Variants in NOBOX observed in about 807,000 individuals in gnomAD.
The protein encoded by NOBOX is NOBOX oogenesis homeobox, also known as homeobox protein NOBOX.
NOBOX carries 46 observed loss-of-function variants against 60.2 expected under a neutral mutation model. The observed-to-expected ratio is 0.76, with a 90% CI of 0.60 to 0.98. The LOEUF is 0.98. Among genes scored for constraint, NOBOX ranks in the 50% least tolerant of loss-of-function variants. The probability of loss-of-function intolerance (pLI) is 0.00; values close to 1 mark genes in which losing one functional copy is unlikely to be tolerated. For synonymous variants in NOBOX, 360 were observed against 346.3 expected, an observed-to-expected ratio of 1.04 and a Z score of -0.44; for missense variants, 880 against 865.5, an observed-to-expected ratio of 1.02 and a Z score of -0.21.
Position 144,404,685 on chromosome 7 carries a change from C to G in NOBOX, c.86-5G>C. On this transcript the variant is annotated splice_polypyrimidine_tract_variant and splice_region_variant and intron_variant, in intron 1 of 9. Transcript: ENST00000467773. ...CAGGTACAGCCAGGGGCGGCCCTGC[C>G]AGGGACGGTGTGGTTACTGTGTTTC... The G allele has an allele frequency of 6.2e-6, 10 of 1,613,530 alleles. No individual in the cohort carries two copies. The highest frequency in any genetic ancestry group is 8.5e-6 in the Non-Finnish European group (10 of 1,179,688).
chr7:144,402,626 A>G (rs566488480), intron 2 of NOBOX, among the ~76,000 whole-genome samples: 1 of 152,272 alleles, frequency 6.6e-6, no homozygotes, highest in East Asian at 1.9e-4. Context: ...AAGAACCCTC[A>G]GCTCAGGGAG....
intron 4 of NOBOX, 144 bp downstream of exon 2, chr7:144,400,902 C>G: frequency 3.4e-6 from 2 of 589,548 alleles, no homozygotes; most frequent in Non-Finnish European, 5.3e-6. Flanking sequence ...GTTGCACTAC[C>G]GCGGCCCAAG....
Position 144,399,438 on chromosome 7 carries a change from G to A in NOBOX, c.1199C>T (p.Pro400Leu), listed in dbSNP as rs568492478. ...AGGGGACTCCTGAGGGAAAGGGTCA[G>A]GCTTTGGCTCCATGGGCACAGCAGG... The change falls in exon 7 of 10, where the codon CCT (proline) becomes CTT (leucine). Residue 400 changes from proline (P) to leucine (L), a missense_variant. Physicochemically the swap from Pro to Leu is moderately conservative, Grantham distance 98. Transcript: ENST00000467773. 1.3e-5 allele frequency: 21 copies of A among 1,589,104 alleles called. No homozygotes were observed. In the East Asian group the frequency reaches 3.9e-4, roughly 29 times the overall value.
chr7:144,403,616 CA>C, intron 2 of NOBOX, 40 bp downstream of exon 1: 1 of 697,074 alleles, frequency 1.4e-6, no homozygotes, highest in Admixed American at 2.0e-5. Flanking sequence ...CCCGAACCCC[CA>C]AAGCCTGACC....
Position 144,401,343 on chromosome 7 carries a change from C to T in NOBOX, c.547G>A (p.Glu183Lys). ...TCTCCCACTGGGAGGGAACAATCTT[C>T]CCCCTGAGTCTGGGGCCTGGAGCGG... Residue 183 changes from glutamate to lysine, a missense_variant, in exon 4 of 10, where the codon GAA (glutamate) becomes AAA (lysine). By Grantham distance (56) the Glu-to-Lys change is moderately conservative. Coordinates refer to ENST00000467773, the MANE Select transcript of NOBOX (RefSeq NM_001080413.3). This position sits in a 1 kb window ranked among gnomAD's most constrained non-coding sequence, Gnocchi z 4.2. The T allele has an allele frequency of 6.2e-7, 1 of 1,613,742 alleles. No individual in the cohort carries two copies. The highest frequency in any genetic ancestry group is 1.3e-5 in the African/African-American group (1 of 75,054).
rs562854148 is a variant in NOBOX at position 144,404,418 on chromosome 7, T to C, written c.210+138A>G. On this transcript the variant is annotated intron_variant, in intron 2 of 9. Coordinates refer to ENST00000467773, the MANE Select transcript of NOBOX (RefSeq NM_001080413.3). The stretch of plus-strand genomic sequence containing the variant: ...GCCCGCCACCACGCCCGGCTAATTT[T>C]TTGTATTTTTAGTAGAGACGGGGTT... 238 of 725,930 alleles carry C rather than the reference T, an allele frequency of 3.3e-4. 1 individual carries two copies. Among genetic ancestry groups the C allele is most frequent in the South Asian group, 1.7e-3 (100 of 60,536 alleles). The allele number at this position is 725,930 out of a possible 1,614,324, so 45.0% of individuals were successfully genotyped here. A position where few individuals can be genotyped will look rare whatever the true frequency, so the allele number is the denominator to read the frequency against.
chr7:144,410,181 C>T lies in NOBOX; in HGVS notation c.47G>A (p.Trp16Ter). 1.3e-6 allele frequency: 2 copies of T among 1,571,982 alleles called. No homozygotes were observed. The highest frequency in any genetic ancestry group is 1.7e-6 in the Non-Finnish European group (2 of 1,157,016). ...GAAGCCATCCTTGTCTCTGGTGTCC[C>T]AGGTACCCTCCAGGTCTGGTGATGT... is the stretch of plus-strand genomic sequence containing the variant. The change falls in exon 1 of 10, where the codon TGG becomes TAG. Residue 16 changes from tryptophan (W) to a stop codon, truncating the protein, a stop_gained. Transcript: ENST00000467773. LOFTEE classifies it high-confidence loss of function.
chr7:144,407,649 C>T (rs2053994922), intron 1 of NOBOX, among the ~76,000 whole-genome samples: 1 of 152,244 alleles, frequency 6.6e-6, no homozygotes, highest in Admixed American at 6.5e-5. Flanking sequence ...GGGAGAGACA[C>T]TGGCAACTGC....
At chr7:144,404,234 G>C (rs1013232235) in intron 2 of NOBOX, among the ~76,000 whole-genome samples, 2 of 152,162 alleles carry the variant, frequency 1.3e-5, no homozygotes, top group African/African-American at 4.8e-5. Flanking sequence ...GAGCTTCAAA[G>C]TCCCCTTCCT....
chr7:144,401,387 T>C lies in NOBOX; in HGVS notation c.503A>G (p.His168Arg), dbSNP rs1342527747. 1.2e-6 allele frequency: 2 copies of C among 1,613,564 alleles called. No homozygotes were observed. The highest frequency in any genetic ancestry group is 2.2e-5 in the East Asian group (1 of 44,858). The stretch of plus-strand genomic sequence containing the variant: ...GGAGCGGGCTAGAGTTCTGTCTTTG[T>C]GGGGAGCCCTGGAGCGGGGGGGCGG... Residue 168 changes from histidine (H) to arginine (R), a missense_variant, in exon 4 of 10, where the codon CAC becomes CGC. His to Arg is a conservative substitution (Grantham distance 29, BLOSUM62 0). Transcript: ENST00000467773. The surrounding 1 kb of genome is among the most constrained non-coding windows in gnomAD (Gnocchi z 4.2).
At position 144,397,325 on chromosome 7, in the gene NOBOX, T is replaced by C. The variant is rs77802098; in HGVS notation, c.1991A>G (p.Lys664Arg). The C allele has an allele frequency of 0.039, 59,297 of 1,537,224 alleles. 1,291 individuals are homozygous for C. Among genetic ancestry groups the C allele is most frequent in the Middle Eastern group, 0.066 (396 of 5,990 alleles). The change falls in exon 10 of 10, where the codon AAA (lysine) becomes AGA (arginine). Residue 664 changes from lysine (K) to arginine (R), a missense_variant. Coordinates refer to ENST00000467773, the MANE Select transcript of NOBOX (RefSeq NM_001080413.3). ...CAGGGAAGCAGCTGGTGGTTCCTCT[T>C]TTGCCTTGCTGAGTAAGGGCCCAGT...
In NOBOX at chr7:144,399,416, G is replaced by A; in HGVS notation, c.1221C>T (p.Ser407=). 1 of 1,585,564 alleles carries A rather than the reference G, an allele frequency of 6.3e-7. No individual in the cohort carries two copies. Among genetic ancestry groups the A allele is most frequent in the South Asian group, 1.2e-5 (1 of 86,256 alleles). ...ACTCACCTGGAAAGGTATCCAGAGG[G>A]GACTCCTGAGGGAAAGGGTCAGGCT... The change falls in exon 7 of 10, where the codon TCC becomes TCT. Residue 407 remains serine (S), a synonymous_variant. Transcript: ENST00000467773.
rs556519281 is a variant in NOBOX at position 144,397,534 on chromosome 7, G to A, written c.1782C>T (p.Ala594=). Residue 594 remains alanine (A), a synonymous_variant, in exon 10 of 10, where the codon GCC becomes GCT. Transcript: ENST00000467773. ...CTGGCAAACAGGGGTCACTCCAGGA[G>A]GCTGTACCTGTGGGGTCGGAGGGTG... 8 of 1,524,052 alleles carry A rather than the reference G, an allele frequency of 5.2e-6. No homozygotes were observed. The East Asian group carries it at 2.0e-4, about 37-fold the overall frequency. 94.4% of individuals were successfully genotyped at this position (1,524,052 alleles called of 1,614,324 possible).
intron 2 of NOBOX, 104 bp from the exon 1 acceptor site, chr7:144,403,797 CG>C: frequency 3.0e-6 from 1 of 332,052 alleles, no homozygotes; most frequent in Non-Finnish European, 5.3e-6. Context: ...CGGGCCGGGC[CG>C]GGGGAGCCGT....
Position 144,397,476 on chromosome 7 carries a change from CT to C in NOBOX, c.1839del (p.Ala614LeufsTer?). The C allele has an allele frequency of 6.5e-7, 1 of 1,537,200 alleles. No individual in the cohort carries two copies. The highest frequency in any genetic ancestry group is 8.7e-7 in the Non-Finnish European group (1 of 1,146,868). The stretch of plus-strand genomic sequence containing the variant: ...TCCCCTCCTGGGGGATGCCCCAGAG[CT>C]TGTGGGCAGAACGGACCAGGGAAGG... On this transcript the variant is annotated frameshift_variant, in exon 10 of 10. Transcript: ENST00000467773. LOFTEE classifies it low-confidence loss of function (END_TRUNC).
chr7:144,400,312 T>C lies in NOBOX; in HGVS notation c.845A>G (p.Asp282Gly), dbSNP rs763850257. 20 of 1,613,662 alleles carry C rather than the reference T, an allele frequency of 1.2e-5. No homozygotes were observed. Among genetic ancestry groups the C allele is most frequent in the Non-Finnish European group, 1.7e-5 (20 of 1,179,734 alleles). Residue 282 changes from aspartate to glycine, a missense_variant and splice_region_variant, in exon 5 of 10, where the codon GAT becomes GGT. Physicochemically the swap from Asp to Gly is moderately conservative, Grantham distance 94. Transcript: ENST00000467773. The stretch of plus-strand genomic sequence containing the variant: ...TATCTTCTCTAGCTCCTCCAGCTGA[T>C]CTGAAAGAAGAAGAAACTTGTGTGA...
In NOBOX at chr7:144,403,711, C is replaced by T. The variant is rs1291617853; in HGVS notation, c.210+845G>A. ...GGTTCCATGGCCTGGACTCCCGCCG[C>T]CGCGGCCGGCCCGTGATGCACAGGC... On this transcript the variant is annotated intron_variant, in intron 2 of 9. Coordinates refer to ENST00000467773, the MANE Select transcript of NOBOX (RefSeq NM_001080413.3). 2 of 700,352 alleles carry T rather than the reference C, an allele frequency of 2.9e-6. No homozygotes were observed. Among genetic ancestry groups the T allele is most frequent in the African/African-American group, 3.5e-5 (2 of 57,040 alleles). The allele number at this position is 700,352 out of a possible 1,614,324, so 43.4% of individuals were successfully genotyped here. A position where few individuals can be genotyped will look rare whatever the true frequency, so the allele number is the denominator to read the frequency against.
chr7:144,409,918 CAAGAAATGTCCCTG>C (rs2128864172), intron 1 of NOBOX, among the ~76,000 whole-genome samples: 1 of 152,302 alleles, frequency 6.6e-6, no homozygotes, highest in South Asian at 2.1e-4. Flanking sequence ...TAGTGAGAGG[CAAGAAATGTCCCTG>C]AACAAGGTAT....
chr7:144,400,243 ATC>A lies in NOBOX; in HGVS notation c.912_913del (p.Glu304AspfsTer32). 1 of 1,614,016 alleles carries A rather than the reference ATC, an allele frequency of 6.2e-7. No homozygotes were observed. The highest frequency in any genetic ancestry group is 8.5e-7 in the Non-Finnish European group (1 of 1,179,892). On this transcript the variant is annotated frameshift_variant, in exon 5 of 10. Coordinates refer to ENST00000467773, the MANE Select transcript of NOBOX (RefSeq NM_001080413.3). LOFTEE classifies it high-confidence loss of function. ...GGGGGTCACCCCCACCGTCTGGGCAATCTCTCGGCGTTTATCACTGTCAGGAT... is the reference window on the plus strand; with the variant it reads ...GGGGGTCACCCCCACCGTCTGGGCAATCTCGGCGTTTATCACTGTCAGGAT...
Sources: allele counts gnomAD v4.1 joint callset (sites outside exome capture counted in the v4.1 genomes callset), GRCh38; gene constraint gnomAD v4.1.1; non-coding constraint Gnocchi (gnomAD v3.1); transcripts MANE v1.5; gene names NCBI Gene and HGNC (gene_info 2026-07-23, HGNC 2026-07-21).